The following NPAS1 variants were observed in gnomAD, a reference collection of about 807,000 sequenced individuals.
NPAS1 encodes the protein neuronal PAS domain protein 1.
In NPAS1, 29 loss-of-function variants were observed where a neutral mutation model predicts 49.2. The observed-to-expected ratio is 0.59, with a 90% confidence interval of 0.44 to 0.80. NPAS1 has a LOEUF of 0.80. Ranked by LOEUF, NPAS1 falls within the 30% of genes least tolerant of loss-of-function variation. The probability of loss-of-function intolerance (pLI) is 0.00; values close to 1 mark genes in which losing one functional copy is unlikely to be tolerated. For missense variants in NPAS1, 825 were observed against 835.5 expected, an observed-to-expected ratio of 0.99 and a Z score of 0.15; for synonymous variants, 408 against 380.4, an observed-to-expected ratio of 1.07 and a Z score of -0.84.
chr19:47,045,495 C>G lies in NPAS1; in HGVS notation c.1617C>G (p.Pro539=), dbSNP rs748502053. The part of the protein sequence containing the change: ...LPPVVRGLCT[P]GTIRYGPAEL... The stretch of plus-strand genomic sequence containing the variant: ...CGGTGGTGCGGGGCCTGTGCACACC[C>G]GGCACCATCCGCTACGGCCCCGCGG... The change falls in exon 12 of 12, where the codon CCC becomes CCG. Residue 539 remains proline (P), a synonymous_variant. Transcript: ENST00000602212. 3.2e-6 allele frequency: 5 copies of G among 1,557,340 alleles called. No individual in the cohort carries two copies. The highest frequency in any genetic ancestry group is 4.3e-6 in the Non-Finnish European group (5 of 1,156,348).
At position 47,021,126 on chromosome 19, in the gene NPAS1, G is replaced by T; in HGVS notation, c.79G>T (p.Asp27Tyr). Residue 27 changes from aspartate (D) to tyrosine (Y), a missense_variant, in exon 2 of 12, where the codon GAC becomes TAC. Physicochemically the swap from Asp to Tyr is radical, Grantham distance 160. Transcript: ENST00000602212. This position sits in a 1 kb window ranked among gnomAD's most constrained non-coding sequence, Gnocchi z 5.7. ...AGGCCGCGGCGCCAGCGTCCCCTGG[G>T]ACTTTCTACCCGGGCTGATGGTCAA... Reference protein sequence around the residue: ...VGGRGASVPWDFLPGLMVKAP... With the variant: ...VGGRGASVPWYFLPGLMVKAP... The T allele has an allele frequency of 6.2e-7, 1 of 1,600,926 alleles. No individual in the cohort carries two copies. The highest frequency in any genetic ancestry group is 8.5e-7 in the Non-Finnish European group (1 of 1,174,580).
chr19:47,038,860 A>C (rs1228805547), intron 6 of NPAS1, among the ~76,000 whole-genome samples, 176 bp from the exon 7 acceptor site: 1 of 152,080 alleles, frequency 6.6e-6, no homozygotes, highest in Non-Finnish European at 1.5e-5. Context: ...TGGCTGCCAC[A>C]TAGGGGAGCC....
Position 47,045,420 on chromosome 19 carries a change from G to C in NPAS1, c.1542G>C (p.Ala514=), listed in dbSNP as rs889169. The change falls in exon 12 of 12, where the codon GCG becomes GCC. Residue 514 remains alanine, a synonymous_variant. Coordinates refer to ENST00000602212, the MANE Select transcript of NPAS1 (RefSeq NM_002517.4). The part of the protein sequence containing the change: ...KQDPVRPWGL[A]PPGDPPPTLL... ...ATCCGGTGCGGCCATGGGGCCTGGCGCCTCCCGGGGACCCCCCGCCCACCC... is the reference window on the plus strand; with the variant it reads ...ATCCGGTGCGGCCATGGGGCCTGGCCCCTCCCGGGGACCCCCCGCCCACCC... The C allele has an allele frequency of 6.2e-7, 1 of 1,607,564 alleles. No individual in the cohort carries two copies.
intron 3 of NPAS1, among the ~76,000 whole-genome samples, chr19:47,031,894 G>A (rs1476143332): frequency 6.6e-6 from 1 of 152,088 alleles, no homozygotes; most frequent in Non-Finnish European, 1.5e-5. Flanking sequence ...CTTGCTTGCT[G>A]TTCAACTGCC....
rs1568501604 is a variant in NPAS1 at position 47,027,624 on chromosome 19, C to CCTG, written c.359-4654_359-4653insCTG. On this transcript the variant is annotated intron_variant, in intron 3 of 11. Coordinates refer to ENST00000602212, the MANE Select transcript of NPAS1 (RefSeq NM_002517.4). Reference sequence around the variant, plus strand: ...TCTCTCTGCCCCTGGTCTCCCGTCTCTCTGCCCCTGGTCTCCCGTCTGTCT... The same window carrying CCTG: ...TCTCTCTGCCCCTGGTCTCCCGTCTCCTGTCTGCCCCTGGTCTCCCGTCTGTCT... Among the ~76,000 whole-genome samples the CCTG allele has an allele frequency of 2.7e-4, 12 of 43,724 alleles. 3 individuals are homozygous for CCTG. Among genetic ancestry groups the CCTG allele is most frequent in the African/African-American group, 1.5e-3 (12 of 7,900 alleles). 28.7% of individuals were successfully genotyped at this position (43,724 alleles called of 152,430 possible).
In NPAS1 at chr19:47,036,021, G is replaced by C; in HGVS notation, c.580G>C (p.Val194Leu). 6.2e-7 allele frequency: 1 copy of C among 1,601,594 alleles called. No homozygotes were observed. Among genetic ancestry groups the C allele is most frequent in the Non-Finnish European group, 8.5e-7 (1 of 1,173,752 alleles). ...DYIHPGDHSE[V>L]LEQLGLRTPT... ...CATTCACCCTGGGGACCACTCAGAG[G>C]TGCTGGAGCAACTGGGGCTGCGGAC... Residue 194 changes from valine (V) to leucine (L), a missense_variant, in exon 6 of 12, where the codon GTG (valine) becomes CTG (leucine). Transcript: ENST00000602212.
chr19:47,044,751 C>T (rs1042650866), intron 11 of NPAS1, among the ~76,000 whole-genome samples: 10 of 152,178 alleles, frequency 6.6e-5, no homozygotes, highest in Middle Eastern at 3.2e-3. Context: ...ACCAGCTGGC[C>T]GGGCACAGTG....
At position 47,021,022 on chromosome 19, in the gene NPAS1, A is replaced by G. The variant is rs1227345045; in HGVS notation, c.-26A>G. The G allele has an allele frequency of 2.5e-6, 4 of 1,580,838 alleles. No individual in the cohort carries two copies. In the East Asian group the frequency reaches 7.0e-5, roughly 27 times the overall value. On this transcript the variant is annotated 5_prime_UTR_variant, in exon 2 of 12. Transcript: ENST00000602212. The surrounding 1 kb of genome is among the most constrained non-coding windows in gnomAD (Gnocchi z 5.7). Reference sequence around the variant, plus strand: ...CCGCTGCAGGAGACTCGGGGCTCGGAGCCCGCCTGAGCGAGCCCCCCGGAG... The same window carrying G: ...CCGCTGCAGGAGACTCGGGGCTCGGGGCCCGCCTGAGCGAGCCCCCCGGAG...
intron 11 of NPAS1, among the ~76,000 whole-genome samples, chr19:47,043,400 T>G (rs191536052): frequency 6.6e-6 from 1 of 151,312 alleles, no homozygotes; most frequent in African/African-American, 2.4e-5. Context: ...CCATCCTGGC[T>G]AATAAGGTGA....
chr19:47,040,741 G>C (rs891867281), intron 9 of NPAS1, 191 bp downstream of exon 9: 15 of 585,272 alleles, frequency 2.6e-5, no homozygotes, highest in Middle Eastern at 4.5e-4. Flanking sequence ...GTGTGTGTGG[G>C]GGGGGGGTCT....
intron 11 of NPAS1, 65 bp from the exon 12 acceptor site, chr19:47,045,126 A>G: frequency 6.6e-7 from 1 of 1,509,056 alleles, no homozygotes; most frequent in Non-Finnish European, 9.0e-7. Context: ...GCACAGCTCC[A>G]TTCCACAGAT....
At position 47,035,214 on chromosome 19, in the gene NPAS1, AG is replaced by A. The variant is rs1310012566; in HGVS notation, c.523-749del. The A allele has an allele frequency of 3.9e-5, 6 of 153,608 alleles. No homozygotes were observed. The South Asian group carries it at 1.2e-3, about 31-fold the overall frequency. 9.5% of individuals were successfully genotyped at this position (153,608 alleles called of 1,614,324 possible). ...AAAAAGAAGAAGAAGAAGAAGAAGAAGAAGAAGGAAAGGCTTGAAGCTGTTG... is the reference window on the plus strand; with the variant it reads ...AAAAAGAAGAAGAAGAAGAAGAAGAAAAGAAGGAAAGGCTTGAAGCTGTTG... On this transcript the variant is annotated intron_variant, in intron 5 of 11. Coordinates refer to ENST00000602212, the MANE Select transcript of NPAS1 (RefSeq NM_002517.4).
In NPAS1 at chr19:47,021,795, GCTGGGGGCGCCGCC is replaced by G. The variant is rs2056843637; in HGVS notation, c.315_328del (p.Pro106GlufsTer187). On this transcript the variant is annotated frameshift_variant, in exon 3 of 12. Transcript: ENST00000602212. LOFTEE classifies it high-confidence loss of function. The surrounding 1 kb of genome is among the most constrained non-coding windows in gnomAD (Gnocchi z 5.7). ...ACCTCCGCCTGCGCCGGTTCGCCGC[GCTGGGGGCGCCGCC>G]CTGGGGGCTGAGAGCCGCGGGGCCG... The G allele has an allele frequency of 1.3e-6, 2 of 1,529,934 alleles. No individual in the cohort carries two copies. Among genetic ancestry groups the G allele is most frequent in the Non-Finnish European group, 1.8e-6 (2 of 1,139,830 alleles). The allele number at this position is 1,529,934 out of a possible 1,614,324, so 94.8% of individuals were successfully genotyped here. A position where few individuals can be genotyped will look rare whatever the true frequency, so the allele number is the denominator to read the frequency against.
chr19:47,039,163 C>A lies in NPAS1; in HGVS notation c.804+12C>A. The A allele has an allele frequency of 1.3e-6, 2 of 1,589,540 alleles. No individual in the cohort carries two copies. Among genetic ancestry groups the A allele is most frequent in the Admixed American group, 1.7e-5 (1 of 57,234 alleles). ...CCTCAGGGTACAAGGTGGGTGTGAG[C>A]AGTCAGGCTCCTGTATTCCAGGCAG... On this transcript the variant is annotated intron_variant, in intron 7 of 11. Transcript: ENST00000602212.
intron 9 of NPAS1, 191 bp downstream of exon 9, chr19:47,040,741 G>T (rs891867281): frequency 8.5e-5 from 50 of 585,222 alleles, no homozygotes; most frequent in South Asian, 2.4e-4. Flanking sequence ...GTGTGTGTGG[G>T]GGGGGGGTCT....
At position 47,042,859 on chromosome 19, in the gene NPAS1, A is replaced by G; in HGVS notation, c.1267A>G (p.Ser423Gly). The change falls in exon 11 of 12, where the codon AGC becomes GGC. Residue 423 changes from serine (S) to glycine (G), a missense_variant. Physicochemically the swap from Ser to Gly is moderately conservative, Grantham distance 56. Coordinates refer to ENST00000602212, the MANE Select transcript of NPAS1 (RefSeq NM_002517.4). The part of the protein sequence containing the change: ...TPLDAFQLPA[S>G]VACEEASSPG... ...TTTGGATGCCTTCCAGCTTCCAGCC[A>G]GCGTGGCCTGTGAGGAGGCATCCAG... is the stretch of plus-strand genomic sequence containing the variant. The G allele has an allele frequency of 1.2e-6, 2 of 1,607,342 alleles. No homozygotes were observed. The highest frequency in any genetic ancestry group is 1.7e-6 in the Non-Finnish European group (2 of 1,177,040).
rs1274190627 is a variant in NPAS1 at position 47,042,829 on chromosome 19, A to C, written c.1237A>C (p.Thr413Pro). 1.9e-6 allele frequency: 3 copies of C among 1,603,578 alleles called. No homozygotes were observed. The highest frequency in any genetic ancestry group is 2.6e-6 in the Non-Finnish European group (3 of 1,175,270). Residue 413 changes from threonine (T) to proline (P), a missense_variant, in exon 11 of 12, where the codon ACT becomes CCT. Physicochemically the swap from Thr to Pro is conservative, Grantham distance 38. Transcript: ENST00000602212. Reference protein sequence around the residue: ...HVLSQAEGGQTPLDAFQLPAS... With the variant: ...HVLSQAEGGQPPLDAFQLPAS... ...CCCCAGCCAAGCCGAGGGTGGCCAA[A>C]CTCCTTTGGATGCCTTCCAGCTTCC... is the stretch of plus-strand genomic sequence containing the variant.
Position 47,021,061 on chromosome 19 carries a change from A to C in NPAS1, c.14A>C (p.Tyr5Ser). The change falls in exon 2 of 12, where the codon TAT becomes TCT. Residue 5 changes from tyrosine to serine, a missense_variant. Tyr to Ser is a moderately radical substitution (Grantham distance 144, BLOSUM62 -2). Coordinates refer to ENST00000602212, the MANE Select transcript of NPAS1 (RefSeq NM_002517.4). The surrounding 1 kb of genome is among the most constrained non-coding windows in gnomAD (Gnocchi z 5.7). Reference protein sequence around the residue: MAAPYPGSGGGSEVK... With the variant: MAAPSPGSGGGSEVK... ...AGCCCCCCGGAGATGGCGGCCCCCT[A>C]TCCCGGCAGTGGCGGCGGAAGCGAG... 8 of 1,605,666 alleles carry C rather than the reference A, an allele frequency of 5.0e-6. No individual in the cohort carries two copies. Among genetic ancestry groups the C allele is most frequent in the Non-Finnish European group, 6.8e-6 (8 of 1,177,154 alleles).
chr19:47,037,338 CAAAAAAAAAAAAAAA>C (rs869125845), intron 6 of NPAS1, among the ~76,000 whole-genome samples: 11 of 51,788 alleles, frequency 2.1e-4, no homozygotes, highest in Non-Finnish European at 2.8e-4. Flanking sequence ...ACTCCGTCTC[CAAAAAAAAAAAAAAA>C]AAAAAAAAAA....
Sources: allele counts gnomAD v4.1 joint callset (sites outside exome capture counted in the v4.1 genomes callset), GRCh38; gene constraint gnomAD v4.1.1; non-coding constraint Gnocchi (gnomAD v3.1); transcripts MANE v1.5; gene names NCBI Gene and HGNC (gene_info 2026-07-23, HGNC 2026-07-21).